PRKCH: variants seen among roughly 807,000 people sequenced by gnomAD.
The protein encoded by PRKCH is protein kinase C eta type.
Under a neutral mutation model 82.5 loss-of-function variants are expected in PRKCH, and 28 were observed. The ratio of observed to expected loss-of-function variants is 0.34; its 90% CI spans 0.25 to 0.47. PRKCH has a LOEUF of 0.47. Among genes scored for constraint, PRKCH ranks in the 20% least tolerant of loss-of-function variants. PRKCH has a pLI of 1.00. For synonymous variants in PRKCH, 322 were observed against 327.4 expected (o/e 0.98, Z 0.18); for missense variants, 705 against 881.8 (o/e 0.80, Z 2.54).
At chr14:61,432,236 A>G (rs1883440622) in intron 2 of PRKCH, among the ~76,000 whole-genome samples, 1 of 151,604 alleles carries the variant, frequency 6.6e-6, no homozygotes, top group African/African-American at 2.4e-5. Flanking sequence ...GATATTTTTG[A>G]TATCTTTTTA....
intron 1 of PRKCH, 146 bp downstream of exon 1, chr14:61,322,610 G>A: frequency 1.7e-6 from 2 of 1,207,930 alleles, no homozygotes; most frequent in Non-Finnish European, 2.2e-6. Flanking sequence ...CGTGGCCGCG[G>A]CACTGGTGAC....
At chr14:61,510,060 G>A (rs2139970759) in intron 10 of PRKCH, among the ~76,000 whole-genome samples, 1 of 152,264 alleles carries the variant, frequency 6.6e-6, no homozygotes, top group South Asian at 2.1e-4. Context: ...CATAGCGACA[G>A]GGACAGAGGC....
At chr14:61,304,847 C>T (rs1037052710) in intron 1 of PRKCH, 10 of 151,352 alleles carry the variant, frequency 6.6e-5, no homozygotes, top group Non-Finnish European at 8.8e-5. Context: ...AGCTGGGTTG[C>T]TCTATTCTTT....
At chr14:61,436,057 C>T (rs956363629) in intron 2 of PRKCH, among the ~76,000 whole-genome samples, 12 of 152,092 alleles carry the variant, frequency 7.9e-5, no homozygotes, top group Non-Finnish European at 1.0e-4. Flanking sequence ...TCAGGACTCT[C>T]CTCCCATCCT....
At chr14:61,482,560 C>T (rs987511656) in intron 9 of PRKCH, among the ~76,000 whole-genome samples, 15 of 152,172 alleles carry the variant, frequency 9.9e-5, no homozygotes, top group Admixed American at 7.9e-4. Flanking sequence ...AAGTCGTCGT[C>T]GTGTCTCAGC....
At chr14:61,418,719 A>T (rs372515660) in intron 2 of PRKCH, among the ~76,000 whole-genome samples, 7 of 152,192 alleles carry the variant, frequency 4.6e-5, no homozygotes, top group Non-Finnish European at 7.4e-5. Context: ...TTCAACAGCA[A>T]TGGTTGAAAA....
At chr14:61,463,623 T>G (rs1192318806) in intron 9 of PRKCH, among the ~76,000 whole-genome samples, 2 of 152,208 alleles carry the variant, frequency 1.3e-5, no homozygotes, top group Non-Finnish European at 2.9e-5. Flanking sequence ...CTGGATCTGT[T>G]TTTCTGATAA....
chr14:61,326,541 T>C (rs970817002), intron 1 of PRKCH, among the ~76,000 whole-genome samples: 4 of 152,216 alleles, frequency 2.6e-5, no homozygotes, highest in Non-Finnish European at 5.9e-5. Flanking sequence ...ATGTCAAAGC[T>C]TATTAAATAG....
At chr14:61,447,775 T>A (rs952705091) in intron 4 of PRKCH, among the ~76,000 whole-genome samples, 1 of 152,220 alleles carries the variant, frequency 6.6e-6, no homozygotes, top group Admixed American at 6.5e-5. Context: ...TAAAAATATG[T>A]GTGATCCAGC....
chr14:61,454,736 A>G (rs1227922931), intron 7 of PRKCH, among the ~76,000 whole-genome samples: 1 of 152,186 alleles, frequency 6.6e-6, no homozygotes, highest in African/African-American at 2.4e-5. Context: ...CTCTCCCTGA[A>G]TGACCTCCAC....
chr14:61,454,525 G>A (rs528588403), intron 7 of PRKCH, among the ~76,000 whole-genome samples: 11 of 152,356 alleles, frequency 7.2e-5, no homozygotes, highest in South Asian at 2.1e-4. Context: ...AACTATGGGC[G>A]TCAGCGTCCT....
At chr14:61,353,860 C>T (rs757537808) in intron 1 of PRKCH, 1 of 152,018 alleles carries the variant, frequency 6.6e-6, no homozygotes, top group Non-Finnish European at 1.5e-5. Flanking sequence ...CTGCTTGAGC[C>T]CAGGAGTTTA....
intron 2 of PRKCH, among the ~76,000 whole-genome samples, chr14:61,420,799 G>C (rs1223886571): frequency 1.6e-4 from 24 of 152,130 alleles, no homozygotes; most frequent in Non-Finnish European, 1.3e-4. Flanking sequence ...GTAGAAGTTT[G>C]CTTAGAGTTC....
At chr14:61,432,425 G>A (rs752983030) in intron 2 of PRKCH, among the ~76,000 whole-genome samples, 1 of 152,044 alleles carries the variant, frequency 6.6e-6, no homozygotes, top group Non-Finnish European at 1.5e-5. Flanking sequence ...TTTATTTAGC[G>A]AAGGTATTTG....
chr14:61,272,936 A>G (rs911236372), intron 1 of PRKCH, among the ~76,000 whole-genome samples: 3 of 152,204 alleles, frequency 2.0e-5, no homozygotes, highest in African/African-American at 7.2e-5. Context: ...AGGGCAGACA[A>G]TGCAAAGCCA....
At chr14:61,194,824 C>T (rs1312126712) in intron 1 of PRKCH, among the ~76,000 whole-genome samples, 1 of 152,180 alleles carries the variant, frequency 6.6e-6, no homozygotes, top group African/African-American at 2.4e-5. Context: ...ACCTCCGCCT[C>T]CCAGGTTCAA....
At chr14:61,508,337 G>A (rs1474654955) in intron 10 of PRKCH, among the ~76,000 whole-genome samples, 3 of 152,098 alleles carry the variant, frequency 2.0e-5, no homozygotes, top group Non-Finnish European at 4.4e-5. Flanking sequence ...AGGGGAGGGA[G>A]CAGCACAGAT....
chr14:61,247,403 A>T (rs1289195453), intron 1 of PRKCH, among the ~76,000 whole-genome samples: 1 of 152,054 alleles, frequency 6.6e-6, no homozygotes, highest in Non-Finnish European at 1.5e-5. Flanking sequence ...AGTTTTGAAA[A>T]CTGATTGATT....
In PRKCH at chr14:61,346,952, TCC is replaced by T. The variant is rs570210359; in HGVS notation, c.363+24489_363+24490del. On this transcript the variant is annotated intron_variant, in intron 1 of 13. Transcript: ENST00000332981. Reference sequence around the variant, plus strand: ...CCCTCATTAGCTAATGATGTTGATGTCCTCACAAGCATTGTTTAGGAATGGCT... The same window carrying T: ...CCCTCATTAGCTAATGATGTTGATGTTCACAAGCATTGTTTAGGAATGGCT... Among the ~76,000 whole-genome samples the T allele has an allele frequency of 6.3e-3, 952 of 152,318 alleles. 4 individuals carry two copies. Among genetic ancestry groups the T allele is most frequent in the Non-Finnish European group, 0.011 (751 of 68,026 alleles).
Sources: gnomAD v4.1 joint callset for allele counts (sites outside exome capture counted in the v4.1 genomes callset) on GRCh38, gnomAD v4.1.1 for gene constraint, MANE v1.5 for transcripts, NCBI Gene and HGNC (gene_info 2026-07-23, HGNC 2026-07-21) for gene names.